Variants in STK3 observed in about 807,000 individuals in gnomAD.
The protein encoded by STK3 is serine/threonine-protein kinase 3.
Under a neutral mutation model 58.0 loss-of-function variants are expected in STK3, and 41 were observed. The ratio of observed to expected loss-of-function variants is 0.71; its 90% CI spans 0.55 to 0.92. STK3 has a LOEUF of 0.92. Ranked by LOEUF, STK3 falls within the 40% of genes least tolerant of loss-of-function variation. The probability of loss-of-function intolerance (pLI) is 0.00; values close to 1 mark genes in which losing one functional copy is unlikely to be tolerated. For missense variants in STK3, 479 were observed against 602.7 expected (o/e 0.79, Z 2.15); for synonymous variants, 170 against 191.0 (o/e 0.89, Z 0.91).
intron 4 of STK3, among the ~76,000 whole-genome samples, chr8:98,711,126 C>G (rs1826389629): frequency 6.6e-6 from 1 of 152,076 alleles, no homozygotes; most frequent in African/African-American, 2.4e-5. Flanking sequence ...ACACCAAAAC[C>G]CCATCTGTAC....
chr8:98,619,275 A>C (rs1818044979), intron 6 of STK3, among the ~76,000 whole-genome samples: 1 of 151,300 alleles, frequency 6.6e-6, no homozygotes, highest in South Asian at 2.1e-4. Flanking sequence ...TAGAAAGCTG[A>C]AACTGGATCC....
intron 6 of STK3, among the ~76,000 whole-genome samples, chr8:98,688,999 T>G (rs970409995): frequency 6.6e-6 from 1 of 152,034 alleles, no homozygotes; most frequent in Non-Finnish European, 1.5e-5. Flanking sequence ...TGAATGAAAC[T>G]GACAGACTGC....
intron 3 of STK3, among the ~76,000 whole-genome samples, chr8:98,863,797 A>G (rs1009353965): frequency 2.6e-5 from 4 of 152,204 alleles, no homozygotes; most frequent in Non-Finnish European, 4.4e-5. Flanking sequence ...TGTTGTGGGT[A>G]GCAAACTATA....
the STK3 span, among the ~76,000 whole-genome samples, chr8:98,346,020 T>C: frequency 6.6e-6 from 1 of 152,054 alleles, no homozygotes; most frequent in Non-Finnish European, 1.5e-5. Context: ...TGGTGGGTGC[T>C]CACACCTGTA....
At chr8:98,835,655 C>T (rs1339351413) in intron 3 of STK3, among the ~76,000 whole-genome samples, 5 of 152,200 alleles carry the variant, frequency 3.3e-5, no homozygotes, top group African/African-American at 1.2e-4. Context: ...TTCCCAGAAA[C>T]CTAAGAGGAA....
At chr8:98,359,771 C>T in the STK3 span, among the ~76,000 whole-genome samples, 1 of 152,176 alleles carries the variant, frequency 6.6e-6, no homozygotes, top group East Asian at 1.9e-4. Context: ...GTCATGAGGC[C>T]CTCCAGACTC....
the STK3 span, among the ~76,000 whole-genome samples, chr8:98,358,467 G>A: frequency 1.3e-5 from 2 of 152,220 alleles, no homozygotes; most frequent in Non-Finnish European, 2.9e-5. Context: ...ATTCTGAGAT[G>A]TGTAGGGTTC....
At chr8:98,855,938 C>T (rs1290907889) in intron 3 of STK3, among the ~76,000 whole-genome samples, 2 of 151,944 alleles carry the variant, frequency 1.3e-5, no homozygotes, top group African/African-American at 4.8e-5. Flanking sequence ...GGGTGGATCA[C>T]CTGAGGTCAG....
chr8:98,440,232 G>A lies in STK3; in HGVS notation n.186-3024C>T, dbSNP rs191050936. 1.3e-5 allele frequency among the ~76,000 whole-genome samples: 2 copies of A among 152,288 alleles called. 1 individual carries two copies. Among genetic ancestry groups the A allele is most frequent in the Middle Eastern group, 6.8e-3 (2 of 294 alleles). On this transcript the variant is annotated intron_variant and non_coding_transcript_variant, in intron 1 of 3. Coordinates refer to the STK3 transcript ENST00000517832. ...ATCCAGACCGAGAGTGTGACCAGAGGCCCTGAGAGCCCCGGACACAGGCAG... is the reference window on the plus strand; with the variant it reads ...ATCCAGACCGAGAGTGTGACCAGAGACCCTGAGAGCCCCGGACACAGGCAG...
At chr8:98,851,719 G>T (rs760631557) in intron 3 of STK3, among the ~76,000 whole-genome samples, 1 of 152,204 alleles carries the variant, frequency 6.6e-6, no homozygotes, top group Non-Finnish European at 1.5e-5. Context: ...CCAACACTGT[G>T]GAAGGTAGAG....
At chr8:98,548,989 T>C (rs946511354) in intron 8 of STK3, among the ~76,000 whole-genome samples, 4 of 152,178 alleles carry the variant, frequency 2.6e-5, no homozygotes, top group Admixed American at 6.5e-5. Context: ...ATACACCACA[T>C]TTTGTTTCCC....
intron 1 of STK3, among the ~76,000 whole-genome samples, chr8:98,792,896 A>ATATGTG (rs1832896421): frequency 6.9e-6 from 1 of 145,666 alleles, no homozygotes; most frequent in African/African-American, 2.5e-5. Flanking sequence ...AAGAGACTGT[A>ATATGTG]TGTGTGTGTG....
chr8:98,773,423 TG>T (rs1404216211), intron 2 of STK3, among the ~76,000 whole-genome samples: 3 of 151,908 alleles, frequency 2.0e-5, no homozygotes, highest in Non-Finnish European at 2.9e-5. Context: ...TATTACTTTC[TG>T]TTTTTTTATT....
chr8:98,700,849 C>A (rs1305204835), intron 6 of STK3, among the ~76,000 whole-genome samples: 1 of 152,044 alleles, frequency 6.6e-6, no homozygotes, highest in African/African-American at 2.4e-5. Flanking sequence ...AACAGGTAAG[C>A]AAACACAAAG....
chr8:98,642,498 C>A (rs1820103580), intron 6 of STK3, among the ~76,000 whole-genome samples: 1 of 151,914 alleles, frequency 6.6e-6, no homozygotes, highest in Non-Finnish European at 1.5e-5. Context: ...TTTTATTACC[C>A]AGTTTTTCAC....
rs1825988429 is a variant in STK3 at position 98,706,713 on chromosome 8, A to G, written c.517-79T>C. On this transcript the variant is annotated intron_variant, in intron 5 of 10. Coordinates refer to ENST00000419617, the MANE Select transcript of STK3 (RefSeq NM_006281.4). ...TGTATGCCAAACATACTTTTAAAAA[A>G]TGTTAAAACCTCCAATGCCACAGAT... The G allele has an allele frequency of 3.6e-6, 5 of 1,392,562 alleles. No individual in the cohort carries two copies. In the South Asian group the frequency reaches 8.4e-5, roughly 23 times the overall value. The allele number at this position is 1,392,562 out of a possible 1,614,324, so 86.3% of individuals were successfully genotyped here. A position where few individuals can be genotyped will look rare whatever the true frequency, so the allele number is the denominator to read the frequency against.
At chr8:98,544,683 C>T (rs1316618777) in intron 9 of STK3, among the ~76,000 whole-genome samples, 1 of 151,202 alleles carries the variant, frequency 6.6e-6, no homozygotes, top group Non-Finnish European at 1.5e-5. Context: ...CACACACACA[C>T]ACACACACAC....
chr8:98,783,903 C>T (rs1254505925), intron 1 of STK3, among the ~76,000 whole-genome samples: 3 of 152,292 alleles, frequency 2.0e-5, no homozygotes, highest in South Asian at 2.1e-4. Context: ...CCACTGGAAT[C>T]GTGACAGACA....
intron 2 of STK3, among the ~76,000 whole-genome samples, chr8:98,377,969 G>C (rs1817691925): frequency 6.6e-6 from 1 of 152,142 alleles, no homozygotes; most frequent in African/African-American, 2.4e-5. Context: ...TAAGAGTAGA[G>C]GCTCTGCCCC....
Sources: allele counts gnomAD v4.1 joint callset (sites outside exome capture counted in the v4.1 genomes callset), GRCh38; gene constraint gnomAD v4.1.1; transcripts MANE v1.5; gene names NCBI Gene and HGNC (gene_info 2026-07-23, HGNC 2026-07-21).